The following PLXNC1 variants were observed in gnomAD, a reference collection of about 807,000 sequenced individuals.
The protein encoded by PLXNC1 is plexin-C1.
In PLXNC1, 75 loss-of-function variants were observed where a neutral mutation model predicts 178.2. The ratio of observed to expected loss-of-function variants is 0.42; its 90% confidence interval spans 0.35 to 0.51. The LOEUF (loss-of-function observed/expected upper bound fraction) is 0.51. Ranked by LOEUF, PLXNC1 falls within the 20% of genes least tolerant of loss-of-function variation. PLXNC1 has a pLI of 0.02. For missense variants in PLXNC1, 1,503 were observed against 1,984.4 expected (o/e 0.76, Z 4.61); for synonymous variants, 790 against 779.9 (o/e 1.01, Z -0.22).
intron 6 of PLXNC1, 67 bp downstream of exon 6, chr12:94,220,230 G>T: frequency 1.3e-6 from 2 of 1,499,164 alleles, no homozygotes; most frequent in African/African-American, 2.8e-5. Flanking sequence ...CCTGAGTTTA[G>T]TTTGCCCAAG....
At chr12:94,225,801 G>T (rs548230398) in intron 7 of PLXNC1, among the ~76,000 whole-genome samples, 1 of 152,158 alleles carries the variant, frequency 6.6e-6, no homozygotes, top group African/African-American at 2.4e-5. Flanking sequence ...TCACAAACCC[G>T]TGTCTAGCTC....
At chr12:94,186,153 G>T (rs1049006409) in intron 3 of PLXNC1, 15 of 440,544 alleles carry the variant, frequency 3.4e-5, no homozygotes, top group African/African-American at 2.9e-4. Context: ...GAGTCTCTGC[G>T]GCAGAGGCCT....
In PLXNC1 at chr12:94,172,217, G is replaced by A. The variant is rs147957858; in HGVS notation, c.1203+2924G>A. ...ACTCAACCCAACGCAGACAGTAGGA[G>A]GAGGAGAAGAAAGAGGGCTTGGATC... On this transcript the variant is annotated intron_variant, in intron 2 of 30. Coordinates refer to ENST00000258526, the MANE Select transcript of PLXNC1 (RefSeq NM_005761.3). 1.1e-3 allele frequency among the ~76,000 whole-genome samples: 174 copies of A among 152,328 alleles called. 1 individual carries two copies. The East Asian group carries it at 0.014, about 13-fold the overall frequency.
At chr12:94,281,286 A>C (rs937680320) in intron 22 of PLXNC1, among the ~76,000 whole-genome samples, 1 of 152,166 alleles carries the variant, frequency 6.6e-6, no homozygotes, top group Non-Finnish European at 1.5e-5. Context: ...CTCCAAAAAA[A>C]ACAAAAACAA....
At chr12:94,206,678 G>A (rs1963311166) in intron 4 of PLXNC1, among the ~76,000 whole-genome samples, 1 of 152,152 alleles carries the variant, frequency 6.6e-6, no homozygotes, top group Middle Eastern at 3.2e-3. Flanking sequence ...CCTCAGTAGA[G>A]GATGGAGCAA....
chr12:94,300,807 T>C (rs2272334), intron 27 of PLXNC1, 103 bp from the exon 28 acceptor site: 119,086 of 1,073,256 alleles, frequency 0.11, 7,284 homozygotes, highest in Admixed American at 0.18. Flanking sequence ...AGTTGTATAC[T>C]TCAATAACAA....
chr12:94,226,822 G>A (rs1032076385), intron 8 of PLXNC1, 115 bp downstream of exon 8: 15 of 750,362 alleles, frequency 2.0e-5, no homozygotes, highest in Admixed American at 7.8e-5. Flanking sequence ...TCAGGAGTTC[G>A]AGACCAGCCT....
intron 5 of PLXNC1, among the ~76,000 whole-genome samples, chr12:94,211,339 T>G (rs1428173588): frequency 1.3e-5 from 2 of 152,248 alleles, no homozygotes; most frequent in African/African-American, 2.4e-5. Context: ...AGCTATCCTT[T>G]GAAACCAACT....
chr12:94,214,537 T>C (rs990553200), intron 5 of PLXNC1, among the ~76,000 whole-genome samples: 1 of 152,250 alleles, frequency 6.6e-6, no homozygotes, highest in African/African-American at 2.4e-5. Context: ...AAACATTACT[T>C]ACTCATCTTA....
chr12:94,277,565 G>A (rs1966068669), intron 21 of PLXNC1, among the ~76,000 whole-genome samples: 1 of 152,150 alleles, frequency 6.6e-6, no homozygotes, highest in Admixed American at 6.5e-5. Flanking sequence ...CAGCTGGTTA[G>A]GGATGGGTTC....
intron 2 of PLXNC1, among the ~76,000 whole-genome samples, chr12:94,177,780 A>G (rs1298023475): frequency 1.3e-5 from 2 of 152,204 alleles, no homozygotes; most frequent in Non-Finnish European, 2.9e-5. Flanking sequence ...TAAGCCCCCA[A>G]TAAAAACTGC....
chr12:94,195,035 G>A (rs1565803998), intron 4 of PLXNC1, among the ~76,000 whole-genome samples: 1 of 152,058 alleles, frequency 6.6e-6, no homozygotes. Context: ...GCAGTGAGAG[G>A]TCTGTGGAGA....
chr12:94,295,116 AAATT>A (rs1967769717), intron 24 of PLXNC1, among the ~76,000 whole-genome samples: 1 of 152,204 alleles, frequency 6.6e-6, no homozygotes, highest in African/African-American at 2.4e-5. Context: ...GTCTCCAGAG[AAATT>A]ATACCCCAGT....
In PLXNC1 at chr12:94,173,727, T is replaced by C. The variant is rs138072035; in HGVS notation, c.1203+4434T>C. On this transcript the variant is annotated intron_variant, in intron 2 of 30. Coordinates refer to ENST00000258526, the MANE Select transcript of PLXNC1 (RefSeq NM_005761.3). ...AGTAGAGTTTGAGAGCTGGTTTTTG[T>C]TATATTTCTTTCTAATACTGGGGTA... is the stretch of plus-strand genomic sequence containing the variant. Among the ~76,000 whole-genome samples the C allele has an allele frequency of 1.1e-3, 168 of 152,348 alleles. 1 individual carries two copies. Among genetic ancestry groups the C allele is most frequent in the African/African-American group, 3.7e-3 (155 of 41,584 alleles).
intron 21 of PLXNC1, among the ~76,000 whole-genome samples, chr12:94,265,680 G>A (rs78944825): frequency 0.033 from 5,092 of 152,218 alleles, 166 homozygotes; most frequent in African/African-American, 0.087. Flanking sequence ...GCAACGTGAC[G>A]CCCTTTATTT....
intron 16 of PLXNC1, 119 bp from the exon 17 acceptor site, chr12:94,255,074 T>TTC (rs2136074225): frequency 1.1e-6 from 1 of 936,934 alleles, no homozygotes; most frequent in East Asian, 2.6e-5. Flanking sequence ...ACCAAGTCAT[T>TTC]ATCTATTGTT....
Position 94,240,506 on chromosome 12 carries a change from A to G in PLXNC1, c.2142A>G (p.Leu714=), listed in dbSNP as rs754838246. The part of the protein sequence containing the change: ...DKDVIQVSHV[L]NDTHMKFSLP... Reference sequence around the variant, plus strand: ...CTAGGATACAGGTTAGCCATGTGCTAAATGACACCCACATGAAATTCTCTC... The same window carrying G: ...CTAGGATACAGGTTAGCCATGTGCTGAATGACACCCACATGAAATTCTCTC... The change falls in exon 11 of 31, where the codon CTA becomes CTG. Residue 714 remains leucine, a synonymous_variant. Transcript: ENST00000258526. 11 of 1,613,780 alleles carry G rather than the reference A, an allele frequency of 6.8e-6. No individual in the cohort carries two copies. Among genetic ancestry groups the G allele is most frequent in the Admixed American group, 6.7e-5 (4 of 59,992 alleles).
chr12:94,183,787 A>T (rs1053049692), intron 3 of PLXNC1, among the ~76,000 whole-genome samples: 1 of 152,198 alleles, frequency 6.6e-6, no homozygotes, highest in Non-Finnish European at 1.5e-5. Context: ...CTAGCCTCTG[A>T]TCATTCAAAG....
At chr12:94,170,788 G>T (rs1047893038) in intron 2 of PLXNC1, among the ~76,000 whole-genome samples, 8 of 152,174 alleles carry the variant, frequency 5.3e-5, no homozygotes, top group Admixed American at 2.0e-4. Context: ...GAGTTTGTTT[G>T]TATACACATT....
Sources: gnomAD v4.1 joint callset for allele counts (sites outside exome capture counted in the v4.1 genomes callset) on GRCh38, gnomAD v4.1.1 for gene constraint, MANE v1.5 for transcripts, NCBI Gene and HGNC (gene_info 2026-07-23, HGNC 2026-07-21) for gene names.